FAM135A: variants seen among roughly 807,000 people sequenced by gnomAD.
FAM135A encodes the protein protein FAM135A.
Under a neutral mutation model 146.8 loss-of-function variants are expected in FAM135A, and 79 were observed. The observed-to-expected ratio is 0.54, with a 90% CI of 0.45 to 0.65. The LOEUF is 0.65. Among genes scored for constraint, FAM135A ranks in the 30% least tolerant of loss-of-function variants. The pLI is 0.00. For missense variants in FAM135A, 1,623 were observed against 1,758.2 expected (o/e 0.92, Z 1.38); for synonymous variants, 562 against 603.6 (o/e 0.93, Z 1.01).
Position 70,515,583 on chromosome 6 carries a change from G to A in FAM135A, c.1030-6930G>A, listed in dbSNP as rs1055419634. 7.2e-5 allele frequency among the ~76,000 whole-genome samples: 11 copies of A among 152,090 alleles called. No homozygotes were observed. In the South Asian group the frequency reaches 1.5e-3, roughly 20 times the overall value. On this transcript the variant is annotated intron_variant, in intron 12 of 21. Coordinates refer to ENST00000418814, the MANE Select transcript of FAM135A (RefSeq NM_001162529.3). ...AACTATGGTGACAGTAAAAAGATCC[G>A]GGTTGTCAGGGGCTCTGGGGGACAG... is the stretch of plus-strand genomic sequence containing the variant.
chr6:70,462,107 T>G (rs1480342073), intron 5 of FAM135A, among the ~76,000 whole-genome samples: 3 of 152,228 alleles, frequency 2.0e-5, no homozygotes, highest in Non-Finnish European at 4.4e-5. Flanking sequence ...TGTAATTTCC[T>G]TAGTTTTCAA....
Position 70,524,599 on chromosome 6 carries a change from C to T in FAM135A, c.1515C>T (p.Asn505=), listed in dbSNP as rs778369746. Residue 505 remains asparagine, a synonymous_variant, in exon 15 of 22, where the codon AAC becomes AAT. Transcript: ENST00000418814. ...TKLMKTMKSE[N]TKKLIKQNSK... ...TTATGAAAACAATGAAATCTGAAAA[C>T]ACAAAAAAATTAATAAAACAGAACT... 1.3e-6 allele frequency: 2 copies of T among 1,541,060 alleles called. No individual in the cohort carries two copies. Among genetic ancestry groups the T allele is most frequent in the Non-Finnish European group, 1.7e-6 (2 of 1,144,320 alleles).
At chr6:70,491,220 A>G (rs1307323087) in intron 11 of FAM135A, 137 bp downstream of exon 11, 5 of 675,668 alleles carry the variant, frequency 7.4e-6, no homozygotes, top group Middle Eastern at 3.7e-4. Context: ...TCATGGTAGA[A>G]CCACAACTTA....
chr6:70,429,237 G>A (rs1770908668), intron 4 of FAM135A, among the ~76,000 whole-genome samples: 1 of 152,160 alleles, frequency 6.6e-6, no homozygotes, highest in South Asian at 2.1e-4. Flanking sequence ...TAGGGGCCAG[G>A]TGTGGTGGCT....
intron 20 of FAM135A, among the ~76,000 whole-genome samples, chr6:70,545,474 G>A (rs781306692): frequency 6.6e-6 from 1 of 152,020 alleles, no homozygotes; most frequent in East Asian, 1.9e-4. Context: ...AATTAGTCCA[G>A]TGTGGTGGCG....
intron 12 of FAM135A, among the ~76,000 whole-genome samples, chr6:70,520,456 G>A (rs909025635): frequency 1.3e-5 from 2 of 152,062 alleles, no homozygotes; most frequent in African/African-American, 4.8e-5. Context: ...TATAAATACT[G>A]TGTTAGCAAT....
intron 2 of FAM135A, among the ~76,000 whole-genome samples, chr6:70,424,147 G>C (rs946271577): frequency 2.0e-5 from 3 of 152,140 alleles, no homozygotes; most frequent in African/African-American, 7.2e-5. Context: ...TGCTGTCTGG[G>C]TGTTTCTTCC....
At chr6:70,538,214 T>G in intron 19 of FAM135A, 77 bp from the exon 20 acceptor site, 1 of 861,450 alleles carries the variant, frequency 1.2e-6, no homozygotes, top group East Asian at 3.3e-5. Flanking sequence ...AAGTGAAATA[T>G]ATATTAAAAT....
intron 18 of FAM135A, 97 bp downstream of exon 18, chr6:70,533,951 T>C (rs1055904263): frequency 3.9e-6 from 2 of 518,888 alleles, no homozygotes; most frequent in Non-Finnish European, 6.2e-6. Context: ...TTCTGAAATA[T>C]AGGAGACTAC....
At chr6:70,452,642 A>G in intron 5 of FAM135A, 71 bp downstream of exon 5, 2 of 1,121,640 alleles carry the variant, frequency 1.8e-6, no homozygotes, top group Non-Finnish European at 2.5e-6. Flanking sequence ...AAGTTTTTTC[A>G]TTACAGATAT....
chr6:70,529,822 G>A (rs1411013612), intron 16 of FAM135A, among the ~76,000 whole-genome samples: 3 of 152,104 alleles, frequency 2.0e-5, no homozygotes, highest in Admixed American at 2.0e-4. Context: ...CAGCACTTTG[G>A]GAGGCTGAGA....
At chr6:70,450,736 T>TGAG in intron 4 of FAM135A, among the ~76,000 whole-genome samples, 1 of 105,378 alleles carries the variant, frequency 9.5e-6, no homozygotes, top group African/African-American at 4.0e-5. Flanking sequence ...TTTTTTTTTT[T>TGAG]TTTTTTTTTT....
intron 12 of FAM135A, 146 bp from the exon 13 acceptor site, chr6:70,522,367 C>T: frequency 1.5e-6 from 1 of 656,172 alleles, no homozygotes; most frequent in Non-Finnish European, 2.7e-6. Context: ...AATACATTGG[C>T]AACACTGAAG....
chr6:70,475,945 A>G (rs553947870), intron 7 of FAM135A, among the ~76,000 whole-genome samples: 70 of 152,340 alleles, frequency 4.6e-4, no homozygotes, highest in African/African-American at 1.7e-3. Context: ...AGACAAGTTA[A>G]AGAAATATGG....
At chr6:70,443,703 TAG>T (rs1382019231) in intron 4 of FAM135A, among the ~76,000 whole-genome samples, 2 of 152,270 alleles carry the variant, frequency 1.3e-5, no homozygotes, top group Non-Finnish European at 2.9e-5. Flanking sequence ...TTTGCATATT[TAG>T]AGTCATTTGC....
At chr6:70,495,678 T>C (rs1787061602) in intron 11 of FAM135A, among the ~76,000 whole-genome samples, 1 of 152,170 alleles carries the variant, frequency 6.6e-6, no homozygotes, top group Non-Finnish European at 1.5e-5. Context: ...GGGATACATG[T>C]TCAGAACTTG....
intron 20 of FAM135A, among the ~76,000 whole-genome samples, chr6:70,554,521 G>A (rs1214559117): frequency 6.6e-6 from 1 of 152,180 alleles, no homozygotes; most frequent in Non-Finnish European, 1.5e-5. Context: ...AGGGAGACAC[G>A]TAGAAAACTC....
chr6:70,540,326 T>C (rs1395135751), intron 20 of FAM135A, among the ~76,000 whole-genome samples: 2 of 141,056 alleles, frequency 1.4e-5, no homozygotes, highest in Non-Finnish European at 3.1e-5. Context: ...TACTTTTTTT[T>C]TTTTTTTTTT....
At chr6:70,510,316 A>G (rs1459363847) in intron 12 of FAM135A, among the ~76,000 whole-genome samples, 1 of 152,126 alleles carries the variant, frequency 6.6e-6, no homozygotes, top group African/African-American at 2.4e-5. Flanking sequence ...CAAATTAACC[A>G]TTAACAATTT....
Sources: allele counts gnomAD v4.1 joint callset (sites outside exome capture counted in the v4.1 genomes callset), GRCh38; gene constraint gnomAD v4.1.1; transcripts MANE v1.5; gene names NCBI Gene and HGNC (gene_info 2026-07-23, HGNC 2026-07-21).